Variants in KCNIP4 observed in about 807,000 individuals in gnomAD.
The protein encoded by KCNIP4 is Kv channel-interacting protein 4.
Under a neutral mutation model 34.0 loss-of-function variants are expected in KCNIP4, and 12 were observed. That is an observed-to-expected ratio of 0.35 (90% confidence interval 0.23 to 0.57). The LOEUF (loss-of-function observed/expected upper bound fraction) is 0.57, where lower values mean the gene tolerates loss of function less well. Ranked by LOEUF, KCNIP4 falls within the 20% of genes least tolerant of loss-of-function variation. The pLI is 0.83. For missense variants in KCNIP4, 238 were observed against 311.7 expected, an observed-to-expected ratio of 0.76 and a Z score of 1.78; for synonymous variants, 124 against 102.2, an observed-to-expected ratio of 1.21 and a Z score of -1.29.
intron 2 of KCNIP4, among the ~76,000 whole-genome samples, chr4:20,872,359 T>C (rs1334883534): frequency 6.6e-6 from 1 of 152,144 alleles, no homozygotes; most frequent in African/African-American, 2.4e-5. Flanking sequence ...CAAATAAAGA[T>C]GGACCAATAT....
intron 1 of KCNIP4, among the ~76,000 whole-genome samples, chr4:21,486,459 T>C (rs1731921780): frequency 6.6e-6 from 1 of 152,178 alleles, no homozygotes; most frequent in South Asian, 2.1e-4. Flanking sequence ...TGGTGTATTA[T>C]CTATCTCCAA....
chr4:21,303,695 A>G (rs1712018495), intron 1 of KCNIP4: 1 of 773,520 alleles, frequency 1.3e-6, no homozygotes. Flanking sequence ...CTTCATGTCC[A>G]TCCCAGAGTA....
intron 2 of KCNIP4, among the ~76,000 whole-genome samples, chr4:20,861,871 A>C (rs546173773): frequency 3.9e-5 from 6 of 152,110 alleles, no homozygotes; most frequent in African/African-American, 7.2e-5. Flanking sequence ...ACTCTTCAAC[A>C]AGCTTAGATT....
rs187871244 is a variant in KCNIP4, at chr4:21,156,781, T to A, written c.62-274072A>T. Among the ~76,000 whole-genome samples, 1,108 of 152,278 alleles carry A rather than the reference T, an allele frequency of 7.3e-3. 21 individuals are homozygous for A. The highest frequency in any genetic ancestry group is 0.025 in the African/African-American group (1,048 of 41,568). On this transcript the variant is annotated intron_variant, in intron 1 of 8. Transcript: ENST00000382152. ...GTAAAAGTGGTGATACTGTTTTTTTTAATAAACTAGGAAGAAATTCTAAAC... is the reference window on the plus strand; with the variant it reads ...GTAAAAGTGGTGATACTGTTTTTTTAAATAAACTAGGAAGAAATTCTAAAC...
intron 1 of KCNIP4, among the ~76,000 whole-genome samples, chr4:21,809,727 TTTG>T (rs955054640): frequency 2.9e-4 from 44 of 152,292 alleles, no homozygotes; most frequent in African/African-American, 1.0e-3. Flanking sequence ...TTAATTCTTT[TTTG>T]TTATTTAACT....
intron 3 of KCNIP4, among the ~76,000 whole-genome samples, chr4:20,811,058 A>G (rs1016738859): frequency 3.3e-5 from 5 of 152,188 alleles, no homozygotes; most frequent in Non-Finnish European, 7.3e-5. Flanking sequence ...AGGTAACTCA[A>G]CATAGTCAAA....
chr4:21,225,292 G>C (rs1259822895), intron 1 of KCNIP4, among the ~76,000 whole-genome samples: 1 of 152,092 alleles, frequency 6.6e-6, no homozygotes, highest in Non-Finnish European at 1.5e-5. Flanking sequence ...CCTCAGGCCA[G>C]TATAATACAA....
At chr4:21,156,043 T>C (rs1215880113) in intron 1 of KCNIP4, among the ~76,000 whole-genome samples, 6 of 152,196 alleles carry the variant, frequency 3.9e-5, no homozygotes, top group Non-Finnish European at 7.4e-5. Context: ...ACCCCAGTTG[T>C]AGCTAAAGAT....
intron 1 of KCNIP4, among the ~76,000 whole-genome samples, chr4:21,333,190 G>A (rs908849316): frequency 2.6e-5 from 4 of 151,894 alleles, no homozygotes; most frequent in Non-Finnish European, 4.4e-5. Flanking sequence ...CAACAGAATT[G>A]GTGATTTTGC....
At chr4:21,145,590 A>T (rs920112353) in intron 1 of KCNIP4, among the ~76,000 whole-genome samples, 4 of 152,206 alleles carry the variant, frequency 2.6e-5, no homozygotes, top group Non-Finnish European at 5.9e-5. Context: ...TTTCCTGGGC[A>T]CTGTGGTCTG....
At chr4:21,201,695 T>C (rs921105711) in intron 1 of KCNIP4, among the ~76,000 whole-genome samples, 1 of 152,194 alleles carries the variant, frequency 6.6e-6, no homozygotes, top group Admixed American at 6.5e-5. Flanking sequence ...AGACAGGGTT[T>C]CACCATGTTA....
intron 3 of KCNIP4, among the ~76,000 whole-genome samples, chr4:20,762,615 C>T (rs2149364747): frequency 6.6e-6 from 1 of 152,292 alleles, no homozygotes; most frequent in East Asian, 1.9e-4. Flanking sequence ...ATGAATTTGG[C>T]CAGGCTGCAT....
chr4:20,939,373 T>G (rs1299459488), intron 1 of KCNIP4, among the ~76,000 whole-genome samples: 1 of 151,996 alleles, frequency 6.6e-6, no homozygotes, highest in Admixed American at 6.6e-5. Flanking sequence ...TTTTATTAAT[T>G]TATTATTTAT....
intron 1 of KCNIP4, among the ~76,000 whole-genome samples, chr4:21,507,837 A>G (rs1004799745): frequency 6.6e-5 from 10 of 152,200 alleles, no homozygotes; most frequent in African/African-American, 2.4e-4. Context: ...TTCTCGTCTA[A>G]CAGCTATTCT....
At chr4:20,739,479 C>G (rs1272035769) in intron 5 of KCNIP4, among the ~76,000 whole-genome samples, 1 of 152,156 alleles carries the variant, frequency 6.6e-6, no homozygotes, top group Non-Finnish European at 1.5e-5. Context: ...CCAGCAAACT[C>G]CAACAGACCT....
chr4:21,171,761 T>C (rs1301595584), intron 1 of KCNIP4, among the ~76,000 whole-genome samples: 1 of 152,132 alleles, frequency 6.6e-6, no homozygotes, highest in African/African-American at 2.4e-5. Flanking sequence ...GAAGAATAAA[T>C]GTAGTGACAT....
intron 1 of KCNIP4, among the ~76,000 whole-genome samples, chr4:21,092,480 T>C (rs1490127892): frequency 6.6e-6 from 1 of 152,206 alleles, no homozygotes; most frequent in Non-Finnish European, 1.5e-5. Flanking sequence ...ATATCTGTTC[T>C]GTTTTGCAAA....
rs535419447 is a variant in KCNIP4, at chr4:21,311,320, A to G, written c.62-428611T>C. ...ATTCTAAGGAAAACACATTGCTTATACCCACCCATGAAGCTGACCACCATC... is the reference window on the plus strand; with the variant it reads ...ATTCTAAGGAAAACACATTGCTTATGCCCACCCATGAAGCTGACCACCATC... On this transcript the variant is annotated intron_variant, in intron 1 of 8. Coordinates refer to ENST00000382152, the MANE Select transcript of KCNIP4 (RefSeq NM_025221.6). Among the ~76,000 whole-genome samples the G allele has an allele frequency of 2.0e-5, 3 of 152,266 alleles. No homozygotes were observed. In the South Asian group the frequency reaches 6.2e-4, roughly 32 times the overall value.
chr4:21,207,810 C>A, intron 1 of KCNIP4, among the ~76,000 whole-genome samples: 1 of 148,544 alleles, frequency 6.7e-6, no homozygotes, highest in East Asian at 2.0e-4. Flanking sequence ...CTTTCTTTTT[C>A]ATTTTCTTTT....
Sources: allele counts gnomAD v4.1 joint callset (sites outside exome capture counted in the v4.1 genomes callset), GRCh38; gene constraint gnomAD v4.1.1; transcripts MANE v1.5; gene names NCBI Gene and HGNC (gene_info 2026-07-23, HGNC 2026-07-21).